KDM1B: variants seen among roughly 807,000 people sequenced by gnomAD.
KDM1B encodes lysine-specific histone demethylase 2.
Under a neutral mutation model 107.4 loss-of-function variants are expected in KDM1B, and 63 were observed. The ratio of observed to expected loss-of-function variants is 0.59; its 90% CI spans 0.48 to 0.72. KDM1B has a LOEUF of 0.72. Among genes scored for constraint, KDM1B ranks in the 30% least tolerant of loss-of-function variants. KDM1B has a pLI of 0.00. For missense variants in KDM1B, 749 were observed against 1,020.8 expected (o/e 0.73, Z 3.63); for synonymous variants, 363 against 363.9 (o/e 1.00, Z 0.03).
At position 18,205,687 on chromosome 6, in the gene KDM1B, G is replaced by T. The variant is rs1452517375; in HGVS notation, c.1659+23G>T. The T allele has an allele frequency of 2.4e-5, 36 of 1,480,244 alleles. No homozygotes were observed. The East Asian group carries it at 9.2e-4, about 38-fold the overall frequency. 91.7% of individuals were successfully genotyped at this position (1,480,244 alleles called of 1,614,324 possible). On this transcript the variant is annotated intron_variant, in intron 15 of 21. Coordinates refer to ENST00000650836, the MANE Select transcript of KDM1B (RefSeq NM_001364614.2). The surrounding 1 kb of genome is among the most constrained non-coding windows in gnomAD (Gnocchi z 5.7). Reference sequence around the variant, plus strand: ...CAGGTGCGCTTGGGTTTTGTGAAAGGTGTGCTTTGAAAATACTTGGTTTAG... The same window carrying T: ...CAGGTGCGCTTGGGTTTTGTGAAAGTTGTGCTTTGAAAATACTTGGTTTAG...
chr6:18,172,479 A>G lies in KDM1B; in HGVS notation c.534+1000A>G, dbSNP rs541053601. Reference sequence around the variant, plus strand: ...ATGTTCCAAAATCTGAAACTTTTTGAGCTCTGAGATGATGCTCAGAGGTTC... The same window carrying G: ...ATGTTCCAAAATCTGAAACTTTTTGGGCTCTGAGATGATGCTCAGAGGTTC... On this transcript the variant is annotated intron_variant, in intron 7 of 21. Coordinates refer to ENST00000650836, the MANE Select transcript of KDM1B (RefSeq NM_001364614.2). This position sits in a 1 kb window ranked among gnomAD's most constrained non-coding sequence, Gnocchi z 5.2. Among the ~76,000 whole-genome samples, 4 of 152,260 alleles carry G rather than the reference A, an allele frequency of 2.6e-5. No homozygotes were observed. The South Asian group carries it at 6.2e-4, about 24-fold the overall frequency.
rs1488448552 is a variant in KDM1B, at chr6:18,197,741, T to G, written c.1221+80T>G. 1.0e-6 allele frequency: 1 copy of G among 980,814 alleles called. No individual in the cohort carries two copies. The highest frequency in any genetic ancestry group is 1.6e-6 in the Non-Finnish European group (1 of 638,576). 60.8% of individuals were successfully genotyped at this position (980,814 alleles called of 1,614,324 possible). A position where few individuals can be genotyped will look rare whatever the true frequency, so the allele number is the denominator to read the frequency against. ...CAAATTTCTAAGATTTAGAAACCAG[T>G]TCCTATTTTTAGTGAAGAATACTAA... is the stretch of plus-strand genomic sequence containing the variant. On this transcript the variant is annotated intron_variant, in intron 12 of 21. Coordinates refer to ENST00000650836, the MANE Select transcript of KDM1B (RefSeq NM_001364614.2). This position sits in a 1 kb window ranked among gnomAD's most constrained non-coding sequence, Gnocchi z 4.5.
intron 20 of KDM1B, 98 bp from the exon 21 acceptor site, chr6:18,217,635 C>T: frequency 1.0e-6 from 1 of 988,698 alleles, no homozygotes; most frequent in Non-Finnish European, 1.5e-6. Context: ...CCTTAGCCTC[C>T]CAAAGTGCTG....
chr6:18,184,273 C>CTTCTTTTTTTTTTTTTTTTTTTTTTTTTT (rs1554144142), intron 7 of KDM1B, among the ~76,000 whole-genome samples: 1 of 116,672 alleles, frequency 8.6e-6, no homozygotes, highest in Non-Finnish European at 1.7e-5. Context: ...GTTCTAGCTT[C>CTTCTTTTTTTTTTTTTTTTTTTTTTTTTT]TTTTTTTTTT....
chr6:18,220,324 G>A (rs369927772), intron 21 of KDM1B, among the ~76,000 whole-genome samples: 38 of 152,284 alleles, frequency 2.5e-4, no homozygotes, highest in Admixed American at 5.9e-4. Context: ...TGAGACAGGT[G>A]TATCACCTGA....
chr6:18,162,898 T>C lies in KDM1B; in HGVS notation c.279T>C (p.Asn93=). 1 of 1,611,408 alleles carries C rather than the reference T, an allele frequency of 6.2e-7. No individual in the cohort carries two copies. Among genetic ancestry groups the C allele is most frequent in the African/African-American group, 1.3e-5 (1 of 74,998 alleles). ...YHLSCGEHFC[N]ECFDHYYRSH... is the part of the protein sequence containing the mutation. ...TCTCCTGTGGGGAACATTTCTGTAA[T>C]GAATGCTTTGACCATTACTACAGAA... Residue 93 remains asparagine (N), a synonymous_variant, in exon 5 of 22, where the codon AAT becomes AAC. Transcript: ENST00000650836. The surrounding 1 kb of genome is among the most constrained non-coding windows in gnomAD (Gnocchi z 4.1).
chr6:18,174,808 T>G (rs1395827865), intron 7 of KDM1B, among the ~76,000 whole-genome samples: 1 of 152,232 alleles, frequency 6.6e-6, no homozygotes, highest in Non-Finnish European at 1.5e-5. Context: ...TTTTCATGGC[T>G]GAGTAGTAGT....
intron 15 of KDM1B, among the ~76,000 whole-genome samples, 160 bp from the exon 16 acceptor site, chr6:18,207,238 G>A (rs961810616): frequency 1.3e-5 from 2 of 152,022 alleles, no homozygotes; most frequent in African/African-American, 4.8e-5. Flanking sequence ...TAAAATTATC[G>A]AGATTTCCTC....
Position 18,215,264 on chromosome 6 carries a change from T to TC in KDM1B, c.2232+138dup, listed in dbSNP as rs1339325269. The TC allele has an allele frequency of 3.0e-6, 3 of 991,374 alleles. No individual in the cohort carries two copies. In the Admixed American group the frequency reaches 8.6e-5, roughly 28 times the overall value. 61.4% of individuals were successfully genotyped at this position (991,374 alleles called of 1,614,324 possible). A position where few individuals can be genotyped will look rare whatever the true frequency, so the allele number is the denominator to read the frequency against. On this transcript the variant is annotated intron_variant, in intron 20 of 21. Transcript: ENST00000650836. Reference sequence around the variant, plus strand: ...GGCCACAGTCTTCTTTCTTTCAGAGTCCCACTGCCCACCTCAGCACTGAGA... The same window carrying TC: ...GGCCACAGTCTTCTTTCTTTCAGAGTCCCCACTGCCCACCTCAGCACTGAGA...
rs1158099501 is a variant in KDM1B at position 18,176,710 on chromosome 6, G to A, written c.534+5231G>A. Among the ~76,000 whole-genome samples the A allele has an allele frequency of 3.9e-5, 6 of 152,220 alleles. No individual in the cohort carries two copies. The South Asian group carries it at 6.2e-4, about 16-fold the overall frequency. On this transcript the variant is annotated intron_variant, in intron 7 of 21. Coordinates refer to ENST00000650836, the MANE Select transcript of KDM1B (RefSeq NM_001364614.2). ...GTGCTTTTTCTGCATCTATTGAGAT[G>A]ATCATGTGATTTTTGTTTTTAATTC...
chr6:18,221,485 A>G (rs1227497776), intron 21 of KDM1B, among the ~76,000 whole-genome samples: 2 of 152,104 alleles, frequency 1.3e-5, no homozygotes, highest in Non-Finnish European at 2.9e-5. Context: ...GGTCCCTGGT[A>G]TATCCTTTGA....
At chr6:18,193,472 A>C (rs1000934698) in intron 10 of KDM1B, among the ~76,000 whole-genome samples, 1 of 146,722 alleles carries the variant, frequency 6.8e-6, no homozygotes, top group Admixed American at 6.8e-5. Flanking sequence ...ATGCCCAGCT[A>C]ATTTTTTTTT....
intron 6 of KDM1B, among the ~76,000 whole-genome samples, chr6:18,168,326 A>G (rs564693328): frequency 3.3e-5 from 5 of 152,282 alleles, no homozygotes; most frequent in South Asian, 2.1e-4. Context: ...GGATTTATCT[A>G]TTTTGGATGT....
intron 21 of KDM1B, 141 bp downstream of exon 21, chr6:18,218,026 A>C: frequency 1.2e-6 from 1 of 836,792 alleles, no homozygotes; most frequent in Non-Finnish European, 1.8e-6. Flanking sequence ...CCTTCTCACC[A>C]TCCTCTTGCT....
intron 5 of KDM1B, among the ~76,000 whole-genome samples, chr6:18,164,994 ACAATCT>A (rs1315032379): frequency 6.6e-6 from 1 of 152,040 alleles, no homozygotes; most frequent in East Asian, 1.9e-4. Flanking sequence ...AATCCCACTG[ACAATCT>A]CTTTTAATCT....
chr6:18,220,377 C>T (rs573370764), intron 21 of KDM1B, among the ~76,000 whole-genome samples: 3 of 152,210 alleles, frequency 2.0e-5, no homozygotes, highest in South Asian at 2.1e-4. Context: ...GGTGAAACCC[C>T]GTCACTACTA....
chr6:18,211,402 C>T lies in KDM1B; in HGVS notation c.1867-1086C>T, dbSNP rs1031044154. The T allele has an allele frequency of 6.6e-6, 1 of 152,304 alleles. No individual in the cohort carries two copies. Among genetic ancestry groups the T allele is most frequent in the Non-Finnish European group, 1.5e-5 (1 of 68,138 alleles). 9.4% of individuals were successfully genotyped at this position (152,304 alleles called of 1,614,324 possible). On this transcript the variant is annotated intron_variant, in intron 17 of 21. Coordinates refer to ENST00000650836, the MANE Select transcript of KDM1B (RefSeq NM_001364614.2). This position sits in a 1 kb window ranked among gnomAD's most constrained non-coding sequence, Gnocchi z 5.2. ...CTACAGCAGGTTTCTAAACATCCAT[C>T]CAGCCCAGCCAATCTGATGCACTTG...
chr6:18,207,288 C>T, intron 15 of KDM1B, 110 bp from the exon 16 acceptor site: 2 of 1,191,482 alleles, frequency 1.7e-6, no homozygotes, highest in Non-Finnish European at 2.5e-6. Context: ...CTGCCTGTCC[C>T]CTGCCCTCCT....
Position 18,201,872 on chromosome 6 carries a change from C to T in KDM1B, c.1531+215C>T, listed in dbSNP as rs1178883876. The stretch of plus-strand genomic sequence containing the variant: ...CTTGTGTTGTGTACACACACACACA[C>T]AGACCTTACTTTACACAATAGCTGG... On this transcript the variant is annotated intron_variant, in intron 14 of 21. Coordinates refer to ENST00000650836, the MANE Select transcript of KDM1B (RefSeq NM_001364614.2). The surrounding 1 kb of genome is among the most constrained non-coding windows in gnomAD (Gnocchi z 4.3). Among the ~76,000 whole-genome samples the T allele has an allele frequency of 1.3e-5, 2 of 152,180 alleles. No individual in the cohort carries two copies. The highest frequency in any genetic ancestry group is 2.9e-5 in the Non-Finnish European group (2 of 68,022).
Sources: allele counts gnomAD v4.1 joint callset (sites outside exome capture counted in the v4.1 genomes callset), GRCh38; gene constraint gnomAD v4.1.1; non-coding constraint Gnocchi (gnomAD v3.1); transcripts MANE v1.5; gene names NCBI Gene and HGNC (gene_info 2026-07-23, HGNC 2026-07-21).